The following BORCS5 variants were observed in gnomAD, a reference collection of about 807,000 sequenced individuals.
BORCS5 encodes BLOC-1-related complex subunit 5.
A neutral mutation model predicts 22.1 loss-of-function variants in BORCS5; 17 were observed. The ratio of observed to expected loss-of-function variants is 0.77; its 90% CI spans 0.53 to 1.15. The LOEUF is 1.15. BORCS5 is among the 50% of genes most tolerant of loss of function. The pLI, the probability that BORCS5 is intolerant of heterozygous loss-of-function variation, is 0.00. For synonymous variants in BORCS5, 117 were observed against 99.8 expected (o/e 1.17, Z -1.03); for missense variants, 247 against 253.2 (o/e 0.98, Z 0.17).
intron 3 of BORCS5, chr12:12,451,993 AG>A (rs1942920418): frequency 3.6e-6 from 1 of 281,198 alleles, no homozygotes; most frequent in African/African-American, 2.3e-5. Context: ...GCTTTTATAC[AG>A]TACCTTGACT....
At chr12:12,439,911 G>C (rs2136131184) in intron 3 of BORCS5, among the ~76,000 whole-genome samples, 1 of 152,320 alleles carries the variant, frequency 6.6e-6, no homozygotes, top group Non-Finnish European at 1.5e-5. Context: ...TTCCAAATGA[G>C]TAAAGCAGAG....
intron 2 of BORCS5, among the ~76,000 whole-genome samples, chr12:12,372,236 C>T (rs141551230): frequency 0.021 from 3,227 of 152,268 alleles, 126 homozygotes; most frequent in African/African-American, 0.072. Flanking sequence ...GACGGGGTTT[C>T]GCCATGTTGG....
At chr12:12,437,266 C>G (rs1294350773) in intron 3 of BORCS5, among the ~76,000 whole-genome samples, 1 of 152,222 alleles carries the variant, frequency 6.6e-6, no homozygotes. Flanking sequence ...CCTACACAAG[C>G]TCTCTTGCCT....
intron 3 of BORCS5, among the ~76,000 whole-genome samples, chr12:12,455,517 C>T (rs1230551521): frequency 1.3e-5 from 2 of 152,262 alleles, no homozygotes; most frequent in East Asian, 1.9e-4. Flanking sequence ...CAGTGGCTTA[C>T]GTCTGTAATC....
intron 2 of BORCS5, among the ~76,000 whole-genome samples, chr12:12,433,873 G>C (rs931230215): frequency 6.6e-6 from 1 of 152,156 alleles, no homozygotes; most frequent in African/African-American, 2.4e-5. Context: ...GGACAACCTA[G>C]CTGGGTAGCC....
At chr12:12,440,051 A>G (rs557269298) in intron 3 of BORCS5, among the ~76,000 whole-genome samples, 6 of 152,356 alleles carry the variant, frequency 3.9e-5, no homozygotes, top group African/African-American at 1.4e-4. Flanking sequence ...ACCATGGAGA[A>G]TATGTGTTAG....
chr12:12,447,735 G>T (rs766824761), intron 3 of BORCS5, among the ~76,000 whole-genome samples: 11 of 152,340 alleles, frequency 7.2e-5, no homozygotes, highest in Non-Finnish European at 1.6e-4. Context: ...GTGCATACAC[G>T]AGGGAATTAC....
intron 2 of BORCS5, among the ~76,000 whole-genome samples, chr12:12,384,890 A>G (rs1863849018): frequency 6.7e-6 from 1 of 150,040 alleles, no homozygotes; most frequent in South Asian, 2.1e-4. Flanking sequence ...GTGTAGTCTC[A>G]GGTCCTCTCC....
rs558666534 is a variant in BORCS5 at position 12,368,281 on chromosome 12, G to GTT, written c.202+6944_202+6945dup. The stretch of plus-strand genomic sequence containing the variant: ...TCCCCACCCAGTGGTATTCTGTTTT[G>GTT]TTTTTTTTTTTTTAATCTACTGGTT... On this transcript the variant is annotated intron_variant, in intron 2 of 3. Transcript: ENST00000314565. 1.5e-4 allele frequency among the ~76,000 whole-genome samples: 20 copies of GTT among 129,688 alleles called. No individual in the cohort carries two copies. The South Asian group carries it at 3.4e-3, about 22-fold the overall frequency. 85.1% of individuals were successfully genotyped at this position (129,688 alleles called of 152,430 possible).
rs527786887 is a variant in BORCS5 at position 12,467,446 on chromosome 12, C to G, written c.*1670C>G. On this transcript the variant is annotated 3_prime_UTR_variant, in exon 4 of 4. Transcript: ENST00000314565. ...GCTGGCACAGGGCAGGATGGCAGAC[C>G]TAGTGCAGCACAAACAAACCACGCA... 2 of 152,358 alleles carry G rather than the reference C, an allele frequency of 1.3e-5. No individual in the cohort carries two copies. Among genetic ancestry groups the G allele is most frequent in the African/African-American group, 2.4e-5 (1 of 41,590 alleles). 9.4% of individuals were successfully genotyped at this position (152,358 alleles called of 1,614,324 possible). A position where few individuals can be genotyped will look rare whatever the true frequency, so the allele number is the denominator to read the frequency against.
At chr12:12,438,371 A>C (rs868784438) in intron 3 of BORCS5, among the ~76,000 whole-genome samples, 5 of 117,054 alleles carry the variant, frequency 4.3e-5, no homozygotes, top group African/African-American at 2.2e-4. Flanking sequence ...AAAAAAAAAA[A>C]AAAAAAAAAC....
chr12:12,400,512 T>C (rs868861855), intron 2 of BORCS5, among the ~76,000 whole-genome samples: 1 of 150,918 alleles, frequency 6.6e-6, no homozygotes. Flanking sequence ...CTGCTGTGGA[T>C]AGGATGCCTT....
At chr12:12,432,830 A>G (rs1942462378) in intron 2 of BORCS5, among the ~76,000 whole-genome samples, 1 of 152,218 alleles carries the variant, frequency 6.6e-6, no homozygotes, top group Non-Finnish European at 1.5e-5. Context: ...AAAGGACAAA[A>G]TTTTAGAAAT....
intron 2 of BORCS5, among the ~76,000 whole-genome samples, chr12:12,404,964 G>A (rs1485340178): frequency 6.6e-6 from 1 of 152,166 alleles, no homozygotes; most frequent in East Asian, 1.9e-4. Flanking sequence ...GCCTCCTAAA[G>A]TGCTGGCATT....
intron 2 of BORCS5, among the ~76,000 whole-genome samples, chr12:12,393,373 CT>C (rs1294591948): frequency 6.6e-5 from 10 of 152,054 alleles, no homozygotes; most frequent in African/African-American, 2.2e-4. Flanking sequence ...TGCCAGGTGC[CT>C]GGGACTACTG....
Position 12,357,508 on chromosome 12 carries a change from A to T in BORCS5, c.57A>T (p.Ser19=), listed in dbSNP as rs1461023532. 1 of 1,608,050 alleles carries T rather than the reference A, an allele frequency of 6.2e-7. No homozygotes were observed. Among genetic ancestry groups the T allele is most frequent in the East Asian group, 2.2e-5 (1 of 44,676 alleles). The part of the protein sequence containing the change: ...AESRPNDLNS[S]VTPSPAKHRA... ...GCCGACCCAACGATCTGAACTCCTC[A>T]GGTCGGTGTCCTAACCTCCCACCCT... Residue 19 remains serine (S), a splice_region_variant and synonymous_variant, in exon 1 of 4, where the codon TCA becomes TCT. Coordinates refer to ENST00000314565, the MANE Select transcript of BORCS5 (RefSeq NM_058169.6).
intron 2 of BORCS5, among the ~76,000 whole-genome samples, chr12:12,363,856 C>CTTCA (rs879386820): frequency 6.6e-6 from 1 of 151,768 alleles, no homozygotes; most frequent in Non-Finnish European, 1.5e-5. Context: ...GAGACTACCA[C>CTTCA]TTCATTCCAG....
intron 3 of BORCS5, among the ~76,000 whole-genome samples, chr12:12,440,880 A>G (rs1942669877): frequency 6.6e-6 from 1 of 152,246 alleles, no homozygotes; most frequent in African/African-American, 2.4e-5. Context: ...CACTTCGCCC[A>G]GGTCACACAG....
chr12:12,382,356 C>G (rs915018190), intron 2 of BORCS5, among the ~76,000 whole-genome samples: 1 of 150,804 alleles, frequency 6.6e-6, no homozygotes, highest in Non-Finnish European at 1.5e-5. Context: ...GAGACTTGCT[C>G]GGTACTACAG....
Sources: gnomAD v4.1 joint callset for allele counts (sites outside exome capture counted in the v4.1 genomes callset) on GRCh38, gnomAD v4.1.1 for gene constraint, MANE v1.5 for transcripts, NCBI Gene and HGNC (gene_info 2026-07-23, HGNC 2026-07-21) for gene names.